JAKMIP2: variants seen among roughly 807,000 people sequenced by gnomAD.
JAKMIP2 encodes janus kinase and microtubule-interacting protein 2.
JAKMIP2 carries 25 observed loss-of-function variants against 115.0 expected under a neutral mutation model. The ratio of observed to expected loss-of-function variants is 0.22; its 90% CI spans 0.16 to 0.30. The LOEUF is 0.30. Ranked by LOEUF, JAKMIP2 falls within the 10% of genes least tolerant of loss-of-function variation. JAKMIP2 has a pLI of 1.00. For synonymous variants in JAKMIP2, 334 were observed against 343.6 expected (o/e 0.97, Z 0.31); for missense variants, 642 against 957.6 (o/e 0.67, Z 4.35).
At chr5:147,771,619 T>A (rs1165569352) in intron 1 of JAKMIP2, among the ~76,000 whole-genome samples, 4 of 152,024 alleles carry the variant, frequency 2.6e-5, no homozygotes, top group African/African-American at 9.7e-5. Flanking sequence ...TTCAAAGCAT[T>A]CTCATCACCG....
rs191448324 is a variant in JAKMIP2 at position 147,756,022 on chromosome 5, C to G, written c.-149+26434G>C. Among the ~76,000 whole-genome samples, 645 of 152,136 alleles carry G rather than the reference C, an allele frequency of 4.2e-3. 6 individuals are homozygous for G. Among genetic ancestry groups the G allele is most frequent in the Non-Finnish European group, 6.9e-3 (472 of 67,994 alleles). On this transcript the variant is annotated intron_variant, in intron 1 of 21. Coordinates refer to ENST00000616793, the MANE Select transcript of JAKMIP2 (RefSeq NM_001270941.2). ...GAAACACAGGTTATTTGCAAATATC[C>G]ATGTGAAAGCATGAGAAATAAATGA... is the stretch of plus-strand genomic sequence containing the variant.
intron 1 of JAKMIP2, among the ~76,000 whole-genome samples, chr5:147,703,499 A>G (rs1330027055): frequency 6.6e-6 from 1 of 152,086 alleles, no homozygotes; most frequent in Non-Finnish European, 1.5e-5. Flanking sequence ...TCATCACTGT[A>G]TATCACTGTA....
rs548497243 is a variant in JAKMIP2 at position 147,641,656 on chromosome 5, C to T, written c.1281+52G>A. 7.0e-6 allele frequency: 9 copies of T among 1,288,696 alleles called. No individual in the cohort carries two copies. In the East Asian group the frequency reaches 9.3e-5, roughly 13 times the overall value. The allele number at this position is 1,288,696 out of a possible 1,614,324, so 79.8% of individuals were successfully genotyped here. A position where few individuals can be genotyped will look rare whatever the true frequency, so the allele number is the denominator to read the frequency against. On this transcript the variant is annotated intron_variant, in intron 8 of 21. Transcript: ENST00000616793. ...TGTAGGAAGATTCCATGCCAAGCCT[C>T]ATCTCTCTGGCTGTTTGTGGCAAAT...
intron 1 of JAKMIP2, among the ~76,000 whole-genome samples, chr5:147,774,363 C>A (rs1264903758): frequency 4.6e-5 from 7 of 152,144 alleles, no homozygotes; most frequent in Non-Finnish European, 1.0e-4. Context: ...GTCCTTCTCT[C>A]TCTGTTGCCA....
At chr5:147,611,484 C>A (rs1054599107) in intron 20 of JAKMIP2, among the ~76,000 whole-genome samples, 15 of 152,146 alleles carry the variant, frequency 9.9e-5, no homozygotes, top group Non-Finnish European at 1.9e-4. Context: ...AACACCCCAC[C>A]CTGCTTTGGC....
intron 1 of JAKMIP2, among the ~76,000 whole-genome samples, chr5:147,730,801 G>A (rs749642969): frequency 4.6e-5 from 7 of 152,040 alleles, no homozygotes; most frequent in Non-Finnish European, 1.0e-4. Context: ...AGTTTAGTCA[G>A]AATTTCCCTT....
chr5:147,697,293 C>T (rs1425083624), intron 1 of JAKMIP2, among the ~76,000 whole-genome samples: 1 of 152,140 alleles, frequency 6.6e-6, no homozygotes, highest in Non-Finnish European at 1.5e-5. Flanking sequence ...CAGCAGATCT[C>T]ATGAGACTTA....
chr5:147,670,019 C>A (rs1759499908), intron 2 of JAKMIP2, among the ~76,000 whole-genome samples: 1 of 152,192 alleles, frequency 6.6e-6, no homozygotes, highest in Non-Finnish European at 1.5e-5. Context: ...CATTTAAATT[C>A]ATCTCCAAGG....
intron 1 of JAKMIP2, among the ~76,000 whole-genome samples, chr5:147,720,316 A>C (rs1362816829): frequency 6.6e-6 from 1 of 150,978 alleles, no homozygotes; most frequent in Non-Finnish European, 1.5e-5. Context: ...TGAATCTGAA[A>C]ATTATGTGTC....
At position 147,702,579 on chromosome 5, in the gene JAKMIP2, GGAAAGAAAGAAAGAAAGAAAGAAGGAAA is replaced by G. The variant is rs1486872807; in HGVS notation, c.-148-30653_-148-30626del. On this transcript the variant is annotated intron_variant, in intron 1 of 21. Coordinates refer to ENST00000616793, the MANE Select transcript of JAKMIP2 (RefSeq NM_001270941.2). The stretch of plus-strand genomic sequence containing the variant: ...AAGAAAGAAAGAAAGAAAGAAAGAA[GGAAAGAAAGAAAGAAAGAAAGAAGGAAA>G]GAAAGAAAGAAAGAAAGAAAGAAAG... Among the ~76,000 whole-genome samples, 26 of 80,608 alleles carry G rather than the reference GGAAAGAAAGAAAGAAAGAAAGAAGGAAA, an allele frequency of 3.2e-4. No homozygotes were observed. In the East Asian group the frequency reaches 4.5e-3, roughly 14 times the overall value. The allele number at this position is 80,608 out of a possible 152,430, so 52.9% of individuals were successfully genotyped here.
chr5:147,737,138 A>C (rs1753954700), intron 1 of JAKMIP2, among the ~76,000 whole-genome samples: 5 of 152,210 alleles, frequency 3.3e-5, no homozygotes, highest in Admixed American at 3.3e-4. Context: ...GATGTGGCAG[A>C]ATGAAAATAC....
At chr5:147,782,284 C>A (rs996272861) in intron 1 of JAKMIP2, among the ~76,000 whole-genome samples, 172 bp downstream of exon 1, 1 of 151,850 alleles carries the variant, frequency 6.6e-6, no homozygotes, top group Non-Finnish European at 1.5e-5. Flanking sequence ...TGTCTTCTCA[C>A]TTCTCTCTTC....
At chr5:147,656,549 T>C (rs896859189) in intron 3 of JAKMIP2, among the ~76,000 whole-genome samples, 1 of 152,228 alleles carries the variant, frequency 6.6e-6, no homozygotes, top group Non-Finnish European at 1.5e-5. Flanking sequence ...CAAATTTTCC[T>C]CTGTCCCTTT....
At chr5:147,671,208 T>C (rs550297695) in intron 2 of JAKMIP2, among the ~76,000 whole-genome samples, 1 of 152,310 alleles carries the variant, frequency 6.6e-6, no homozygotes, top group African/African-American at 2.4e-5. Flanking sequence ...GCTAATATCC[T>C]GTAGTGGTAG....
intron 18 of JAKMIP2, among the ~76,000 whole-genome samples, chr5:147,619,967 A>G (rs1756770838): frequency 6.6e-6 from 1 of 152,238 alleles, no homozygotes; most frequent in Non-Finnish European, 1.5e-5. Flanking sequence ...AACATTAAAC[A>G]CATTATTCCA....
rs1758331676 is a variant in JAKMIP2 at position 147,650,275 on chromosome 5, A to G, written c.837+63T>C. On this transcript the variant is annotated intron_variant, in intron 4 of 21. Coordinates refer to ENST00000616793, the MANE Select transcript of JAKMIP2 (RefSeq NM_001270941.2). ...CAAGAAAAGAGCTTAAGTAAAAGGT[A>G]AAACTTGGGAGCTAAATAAAAGATG... 2.9e-6 allele frequency: 3 copies of G among 1,041,398 alleles called. No homozygotes were observed. In the Admixed American group the frequency reaches 5.2e-5, roughly 18 times the overall value. 64.5% of individuals were successfully genotyped at this position (1,041,398 alleles called of 1,614,324 possible).
chr5:147,611,422 C>T (rs1263730090), intron 20 of JAKMIP2, among the ~76,000 whole-genome samples: 1 of 152,120 alleles, frequency 6.6e-6, no homozygotes, highest in Non-Finnish European at 1.5e-5. Flanking sequence ...CTCATGGCTT[C>T]CCTTGGCTAG....
At position 147,709,392 on chromosome 5, in the gene JAKMIP2, T is replaced by C. The variant is rs115990705; in HGVS notation, c.-148-37438A>G. ...TGCCAACTATTACATATAAAAATATTTCTATATATAATAACAAAGATCTAT... is the reference window on the plus strand; with the variant it reads ...TGCCAACTATTACATATAAAAATATCTCTATATATAATAACAAAGATCTAT... On this transcript the variant is annotated intron_variant, in intron 1 of 21. Transcript: ENST00000616793. Among the ~76,000 whole-genome samples, 929 of 152,258 alleles carry C rather than the reference T, an allele frequency of 6.1e-3. 23 individuals carry two copies. Among genetic ancestry groups the C allele is most frequent in the African/African-American group, 0.021 (888 of 41,562 alleles).
chr5:147,735,915 T>C (rs1402433334), intron 1 of JAKMIP2, among the ~76,000 whole-genome samples: 1 of 152,172 alleles, frequency 6.6e-6, no homozygotes, highest in African/African-American at 2.4e-5. Flanking sequence ...GTTTCATAGT[T>C]CTGGTCTCAG....
Sources: allele counts gnomAD v4.1 joint callset (sites outside exome capture counted in the v4.1 genomes callset), GRCh38; gene constraint gnomAD v4.1.1; transcripts MANE v1.5; gene names NCBI Gene and HGNC (gene_info 2026-07-23, HGNC 2026-07-21).